FRMD4A: variants seen among roughly 807,000 people sequenced by gnomAD.
FRMD4A encodes the protein FERM domain-containing protein 4A.
FRMD4A carries 29 observed loss-of-function variants against 129.1 expected under a neutral mutation model. That is an observed-to-expected ratio of 0.22 (90% CI 0.17 to 0.31). The LOEUF (loss-of-function observed/expected upper bound fraction) is 0.31. FRMD4A is among the 10% of genes least tolerant of loss of function. FRMD4A has a pLI of 1.00. For synonymous variants in FRMD4A, 634 were observed against 571.6 expected, an observed-to-expected ratio of 1.11 and a Z score of -1.56; for missense variants, 1,272 against 1,375.8, an observed-to-expected ratio of 0.92 and a Z score of 1.19.
At chr10:13,648,066 C>T (rs141859753) in intron 24 of FRMD4A, 35 of 152,324 alleles carry the variant, frequency 2.3e-4, no homozygotes, top group African/African-American at 8.4e-4. Context: ...CTTTCTATTT[C>T]ATTTGCTAAC....
chr10:14,224,626 T>C (rs753961439), intron 2 of FRMD4A, among the ~76,000 whole-genome samples: 3 of 152,208 alleles, frequency 2.0e-5, no homozygotes, highest in Admixed American at 1.3e-4. Flanking sequence ...CAAGTCAGCC[T>C]ACGTGGATAA....
intron 3 of FRMD4A, among the ~76,000 whole-genome samples, chr10:13,843,111 T>C (rs2093992506): frequency 6.6e-6 from 1 of 152,228 alleles, no homozygotes. Context: ...CACTCTTCCC[T>C]GTGTTCAACT....
intron 2 of FRMD4A, among the ~76,000 whole-genome samples, chr10:14,253,193 A>C (rs930919219): frequency 6.6e-6 from 1 of 152,218 alleles, no homozygotes; most frequent in African/African-American, 2.4e-5. Flanking sequence ...GTTTTTGTCC[A>C]TGCTCTGGTC....
At chr10:13,904,811 G>A (rs2094862265) in intron 2 of FRMD4A, among the ~76,000 whole-genome samples, 1 of 151,946 alleles carries the variant, frequency 6.6e-6, no homozygotes, top group African/African-American at 2.4e-5. Context: ...TGGCCAACGT[G>A]GCGAAACCCT....
At chr10:13,790,000 C>T (rs1030072629) in intron 5 of FRMD4A, among the ~76,000 whole-genome samples, 13 of 152,004 alleles carry the variant, frequency 8.6e-5, no homozygotes, top group South Asian at 4.1e-4. Context: ...CAAGGCCAGA[C>T]GCAGAGATGA....
At chr10:13,836,156 C>A (rs1260464717) in intron 3 of FRMD4A, among the ~76,000 whole-genome samples, 6 of 152,184 alleles carry the variant, frequency 3.9e-5, no homozygotes, top group African/African-American at 1.4e-4. Flanking sequence ...AGCTACCACA[C>A]CTGGCTAATT....
chr10:13,743,414 A>T (rs575187546), intron 9 of FRMD4A, among the ~76,000 whole-genome samples: 4 of 152,258 alleles, frequency 2.6e-5, no homozygotes, highest in African/African-American at 7.2e-5. Context: ...TCCTAGATCC[A>T]GGGTCAAGCA....
intron 2 of FRMD4A, among the ~76,000 whole-genome samples, chr10:14,179,130 A>G (rs886820182): frequency 6.6e-6 from 1 of 152,202 alleles, no homozygotes; most frequent in Non-Finnish European, 1.5e-5. Context: ...GGGCTTAAAC[A>G]CTGACCCTTT....
intron 12 of FRMD4A, among the ~76,000 whole-genome samples, chr10:13,725,305 A>G (rs539180799): frequency 6.6e-6 from 1 of 152,236 alleles, no homozygotes; most frequent in Admixed American, 6.5e-5. Flanking sequence ...GGCGTGCAGC[A>G]CCCCAAGGGT....
chr10:14,323,358 C>A (rs1339310942), intron 2 of FRMD4A, among the ~76,000 whole-genome samples: 1 of 152,132 alleles, frequency 6.6e-6, no homozygotes, highest in Admixed American at 6.5e-5. Context: ...TTGAATTATC[C>A]CAAATCTTAC....
At chr10:14,264,980 C>CT (rs1471859754) in intron 2 of FRMD4A, among the ~76,000 whole-genome samples, 5 of 152,154 alleles carry the variant, frequency 3.3e-5, no homozygotes, top group Non-Finnish European at 7.4e-5. Context: ...ACGGGGGTTT[C>CT]ACCATATTGG....
At chr10:14,309,801 T>C (rs1378885590) in intron 2 of FRMD4A, among the ~76,000 whole-genome samples, 2 of 152,168 alleles carry the variant, frequency 1.3e-5, no homozygotes, top group Non-Finnish European at 2.9e-5. Flanking sequence ...CGTAGTCTTC[T>C]CATCACGTAA....
chr10:14,203,548 T>C (rs1375878794), intron 2 of FRMD4A, among the ~76,000 whole-genome samples: 2 of 152,230 alleles, frequency 1.3e-5, no homozygotes, highest in Non-Finnish European at 1.5e-5. Flanking sequence ...TGCCCTTCTC[T>C]AATAAACCTA....
intron 2 of FRMD4A, among the ~76,000 whole-genome samples, chr10:14,002,609 A>G (rs1329561330): frequency 6.6e-6 from 1 of 152,188 alleles, no homozygotes; most frequent in African/African-American, 2.4e-5. Flanking sequence ...CCAGGAACCC[A>G]GGGGTGTTCC....
chr10:13,976,182 G>T (rs2095541554), intron 2 of FRMD4A, among the ~76,000 whole-genome samples: 1 of 152,192 alleles, frequency 6.6e-6, no homozygotes, highest in Admixed American at 6.5e-5. Flanking sequence ...TGGCCAGATG[G>T]GGTGAGTTGC....
chr10:13,764,222 T>C (rs891851220), intron 6 of FRMD4A, among the ~76,000 whole-genome samples: 4 of 151,128 alleles, frequency 2.6e-5, no homozygotes, highest in East Asian at 1.9e-4. Context: ...TGTGTGTGTA[T>C]GGTAAAAACA....
At chr10:13,804,523 TTTTC>T (rs35515807) in intron 4 of FRMD4A, among the ~76,000 whole-genome samples, 352 of 146,772 alleles carry the variant, frequency 2.4e-3, no homozygotes, top group Non-Finnish European at 4.3e-3. Flanking sequence ...AGTCAGGACT[TTTTC>T]TTTCTTTCTT....
intron 6 of FRMD4A, among the ~76,000 whole-genome samples, chr10:13,774,971 A>C (rs2092562482): frequency 6.6e-6 from 1 of 151,866 alleles, no homozygotes; most frequent in African/African-American, 2.4e-5. Context: ...ACAACAAAAA[A>C]CAAAACCATA....
At chr10:14,184,125 C>CTTTTTTT (rs58858936) in intron 2 of FRMD4A, among the ~76,000 whole-genome samples, 6 of 64,628 alleles carry the variant, frequency 9.3e-5, no homozygotes, top group Non-Finnish European at 1.4e-4. Flanking sequence ...CTTTTCTTTT[C>CTTTTTTT]TTTTTTTTTT....
Sources: allele counts gnomAD v4.1 joint callset (sites outside exome capture counted in the v4.1 genomes callset), GRCh38; gene constraint gnomAD v4.1.1; transcripts MANE v1.5; gene names NCBI Gene and HGNC (gene_info 2026-07-23, HGNC 2026-07-21).